The following DNAH17 variants were observed in gnomAD, a reference collection of about 807,000 sequenced individuals.
DNAH17 encodes dynein axonemal heavy chain 17, also known as axonemal beta dynein heavy chain 17.
A neutral mutation model predicts 485.6 loss-of-function variants in DNAH17; 376 were observed. The ratio of observed to expected loss-of-function variants is 0.77; its 90% CI spans 0.71 to 0.84. DNAH17 has a LOEUF of 0.84. DNAH17 is among the 40% of genes least tolerant of loss of function. DNAH17 has a pLI of 0.00. For synonymous variants in DNAH17, 3,031 were observed against 2,405.9 expected (o/e 1.26, Z -7.60); for missense variants, 6,370 against 5,839.3 (o/e 1.09, Z -2.96).
At chr17:78,462,662 C>T (rs1351825598) in intron 57 of DNAH17, among the ~76,000 whole-genome samples, 182 bp downstream of exon 57, 1 of 152,158 alleles carries the variant, frequency 6.6e-6, no homozygotes, top group Non-Finnish European at 1.5e-5. Context: ...TTTTTTGTTA[C>T]GACAAGTATA....
intron 42 of DNAH17, 128 bp from the exon 43 acceptor site, chr17:78,491,698 C>T: frequency 7.1e-7 from 1 of 1,412,776 alleles, no homozygotes. Context: ...CAGCAGAGGC[C>T]CTCGGGCATG....
intron 66 of DNAH17, 41 bp from the exon 67 acceptor site, chr17:78,450,887 T>C: frequency 1.2e-6 from 2 of 1,601,732 alleles, no homozygotes; most frequent in Non-Finnish European, 1.7e-6. Context: ...TGCCTGGCTC[T>C]GTCCACCGGG....
intron 69 of DNAH17, among the ~76,000 whole-genome samples, chr17:78,448,363 TAAA>T (rs1186141265): frequency 2.0e-5 from 3 of 151,454 alleles, no homozygotes; most frequent in Non-Finnish European, 1.5e-5. Flanking sequence ...AATAAAAAAT[TAAA>T]AAACTGAAGA....
chr17:78,568,092 G>C (rs963617321), intron 9 of DNAH17, among the ~76,000 whole-genome samples: 2 of 152,138 alleles, frequency 1.3e-5, no homozygotes, highest in Non-Finnish European at 2.9e-5. Flanking sequence ...CGACGCGGAG[G>C]ACACAGACAA....
chr17:78,453,100 C>T (rs1343976946), intron 65 of DNAH17, among the ~76,000 whole-genome samples: 1 of 152,212 alleles, frequency 6.6e-6, no homozygotes, highest in Non-Finnish European at 1.5e-5. Flanking sequence ...TCAAGCCTCC[C>T]CATCTGGAGG....
At chr17:78,535,176 C>A in intron 19 of DNAH17, among the ~76,000 whole-genome samples, 1 of 152,166 alleles carries the variant, frequency 6.6e-6, no homozygotes, top group East Asian at 1.9e-4. Flanking sequence ...CTGCAGCAAC[C>A]GTGGGTGCCC....
At chr17:78,460,990 T>C (rs1249721601) in intron 58 of DNAH17, among the ~76,000 whole-genome samples, 1 of 152,124 alleles carries the variant, frequency 6.6e-6, no homozygotes, top group Non-Finnish European at 1.5e-5. Flanking sequence ...CATGAGAAGC[T>C]GCTCCAATGA....
At chr17:78,552,948 CCA>C (rs2091936171) in intron 14 of DNAH17, 143 bp from the exon 15 acceptor site, 1 of 653,198 alleles carries the variant, frequency 1.5e-6, no homozygotes, top group South Asian at 1.8e-5. Flanking sequence ...ATTGTAATCC[CCA>C]GTGTTGGAGG....
At position 78,539,814 on chromosome 17, in the gene DNAH17, C is replaced by A; in HGVS notation, c.2599G>T (p.Asp867Tyr). The A allele has an allele frequency of 6.2e-7, 1 of 1,612,040 alleles. No individual in the cohort carries two copies. Among genetic ancestry groups the A allele is most frequent in the South Asian group, 1.1e-5 (1 of 90,896 alleles). The change falls in exon 18 of 81, where the codon GAC (aspartate) becomes TAC (tyrosine). Residue 867 changes from aspartate (D) to tyrosine (Y), a missense_variant. Physicochemically the swap from Asp to Tyr is radical, Grantham distance 160 (BLOSUM62 -3). Transcript: ENST00000389840. ...TCAAATTCATCTAAGACCATGTCGT[C>A]AATGTAGATGACATAATCCTTCCAG... ...LPWKDYVIYIDDMVLDEFDQF... is the reference protein window; with the variant it reads ...LPWKDYVIYIYDMVLDEFDQF...
At chr17:78,476,824 C>T (rs968323895) in intron 51 of DNAH17, 91 bp from the exon 52 acceptor site, 5 of 1,452,312 alleles carry the variant, frequency 3.4e-6, no homozygotes, top group Non-Finnish European at 4.6e-6. Flanking sequence ...CAGCCCCCTC[C>T]CCCGGGGCGA....
chr17:78,500,707 C>T, intron 35 of DNAH17: 1 of 299,348 alleles, frequency 3.3e-6, no homozygotes, highest in Non-Finnish European at 6.2e-6. Flanking sequence ...TGAGGTTTTG[C>T]TATGTTGGCC....
rs755081742 is a variant in DNAH17, at chr17:78,574,945, G to C, written c.113C>G (p.Ala38Gly). The change falls in exon 2 of 81, where the codon GCC becomes GGC. Residue 38 changes from alanine to glycine, a missense_variant. Physicochemically the swap from Ala to Gly is moderately conservative, Grantham distance 60 (BLOSUM62 0). Transcript: ENST00000389840. Reference sequence around the variant, plus strand: ...CTTTTCAAAGAACTCTGTGAACAGGGCCACGTTCTCCTCGGCGCCTATCAG... The same window carrying C: ...CTTTTCAAAGAACTCTGTGAACAGGCCCACGTTCTCCTCGGCGCCTATCAG... ...SKLIGAEENV[A>G]LFTEFFEKPD... The C allele has an allele frequency of 6.2e-7, 1 of 1,613,876 alleles. No homozygotes were observed. The highest frequency in any genetic ancestry group is 1.7e-5 in the Admixed American group (1 of 59,998).
intron 2 of DNAH17, among the ~76,000 whole-genome samples, chr17:78,573,337 C>T (rs2092386785): frequency 6.6e-6 from 1 of 152,028 alleles, no homozygotes; most frequent in Admixed American, 6.6e-5. Context: ...GTAGCTCATA[C>T]CTGTAAATCC....
Position 78,423,998 on chromosome 17 carries a change from C to T in DNAH17, c.13297G>A (p.Gly4433Ser), listed in dbSNP as rs761373066. 13 of 1,613,854 alleles carry T rather than the reference C, an allele frequency of 8.1e-6. No homozygotes were observed. Among genetic ancestry groups the T allele is most frequent in the Admixed American group, 6.7e-5 (4 of 59,994 alleles). ...ECPVYKTRIR[G>S]PTYVWTFNLK... is the part of the protein sequence containing the mutation. ...TTAAAGGTCCAGACATAGGTGGGGC[C>T]GCGGATGCGTGTTTTGTACACGGGA... Residue 4433 changes from glycine to serine, a missense_variant, in exon 81 of 81, where the codon GGC becomes AGC. Transcript: ENST00000389840.
Position 78,479,119 on chromosome 17 carries a change from G to A in DNAH17, c.7901-3C>T. ...TGCCGTGATTTTCTGATGCAAAGCT[G>A]TTAGAGGAAAAGGACGTGTCAATTC... On this transcript the variant is annotated splice_region_variant and splice_polypyrimidine_tract_variant and intron_variant, in intron 50 of 80. Transcript: ENST00000389840. 6.2e-7 allele frequency: 1 copy of A among 1,613,734 alleles called. No individual in the cohort carries two copies. The highest frequency in any genetic ancestry group is 8.5e-7 in the Non-Finnish European group (1 of 1,179,778).
intron 27 of DNAH17, among the ~76,000 whole-genome samples, chr17:78,509,741 T>C (rs938770088): frequency 6.9e-6 from 1 of 145,548 alleles, no homozygotes; most frequent in African/African-American, 2.5e-5. Flanking sequence ...AAGAAACAAC[T>C]GACGTCCATG....
intron 67 of DNAH17, 32 bp downstream of exon 67, chr17:78,450,650 C>G (rs1021393412): frequency 1.3e-6 from 2 of 1,597,512 alleles, no homozygotes; most frequent in African/African-American, 1.3e-5. Flanking sequence ...CAAGCCCTGG[C>G]TGCCAGGGCA....
chr17:78,500,267 A>G (rs551898380), intron 36 of DNAH17, 38 bp downstream of exon 36: 1 of 1,573,970 alleles, frequency 6.4e-7, no homozygotes, highest in Non-Finnish European at 8.6e-7. Context: ...TCTATAAAAG[A>G]AGACTCTGGG....
intron 50 of DNAH17, 56 bp downstream of exon 50, chr17:78,479,429 G>C: frequency 2.6e-6 from 4 of 1,531,796 alleles, no homozygotes; most frequent in Non-Finnish European, 3.5e-6. Flanking sequence ...AGAACCATCA[G>C]CCCACAGAGC....
Sources: allele counts gnomAD v4.1 joint callset (sites outside exome capture counted in the v4.1 genomes callset), GRCh38; gene constraint gnomAD v4.1.1; transcripts MANE v1.5; gene names NCBI Gene and HGNC (gene_info 2026-07-23, HGNC 2026-07-21).